HDAC8: variants seen among roughly 807,000 people sequenced by gnomAD.
HDAC8 encodes histone deacetylase 8.
A neutral mutation model predicts 32.2 loss-of-function variants in HDAC8; 1 was observed. The ratio of observed to expected loss-of-function variants is 0.03; its 90% CI spans 0.01 to 0.15. The LOEUF is 0.15. HDAC8 is among the 10% of genes least tolerant of loss of function. The pLI, the probability that HDAC8 is intolerant of heterozygous loss-of-function variation, is 1.00. For synonymous variants in HDAC8, 108 were observed against 113.9 expected, an observed-to-expected ratio of 0.95 and a Z score of 0.33; for missense variants, 117 against 300.0, an observed-to-expected ratio of 0.39 and a Z score of 4.51.
intron 9 of HDAC8, among the ~76,000 whole-genome samples, chrX:72,388,028 C>A (rs1197970264): frequency 9.1e-6 from 1 of 110,204 alleles, no homozygotes; most frequent in Non-Finnish European, 1.9e-5. Context: ...CTTCATCCAG[C>A]AGGCAAGTAG....
intron 9 of HDAC8, among the ~76,000 whole-genome samples, chrX:72,433,217 C>T (rs113803676): frequency 6.3e-5 from 7 of 111,306 alleles, no homozygotes; most frequent in African/African-American, 2.0e-4. Flanking sequence ...TCTTGGTTGT[C>T]AAAACTGGAG....
chrX:72,338,186 G>A (rs781825429), intron 10 of HDAC8, among the ~76,000 whole-genome samples: 2 of 111,625 alleles, frequency 1.8e-5, no homozygotes, highest in Non-Finnish European at 3.8e-5. Flanking sequence ...CTCTATGAGG[G>A]CAGGGACCTT....
chrX:72,339,322 G>C lies in HDAC8; in HGVS notation c.1112-9246C>G, dbSNP rs140051645. ...TGTGCTGGGTGCTGGGGTCACAGAG[G>C]GGATCAAGACAGTTCTTGCCGTGAA... On this transcript the variant is annotated intron_variant, in intron 10 of 10. Transcript: ENST00000373573. Among the ~76,000 whole-genome samples, 509 of 112,513 alleles carry C rather than the reference G, an allele frequency of 4.5e-3. 3 individuals are homozygous for C. Among genetic ancestry groups the C allele is most frequent in the African/African-American group, 0.015 (469 of 31,032 alleles).
intron 9 of HDAC8, among the ~76,000 whole-genome samples, chrX:72,441,620 C>A (rs182512410): frequency 8.9e-6 from 1 of 111,932 alleles, no homozygotes; most frequent in African/African-American, 3.2e-5. Context: ...CTCTAAAAAG[C>A]AGAGTGCCTC....
chrX:72,495,299 G>T (rs1556012408), intron 4 of HDAC8, 31 bp from the exon 5 acceptor site: 3 of 1,018,519 alleles, frequency 2.9e-6, no homozygotes, highest in African/African-American at 1.9e-5. Context: ...ACAGCCAACA[G>T]CCAAAAAGCA....
At chrX:72,464,348 A>C (rs2047952259) in intron 8 of HDAC8, 1 of 424,514 alleles carries the variant, frequency 2.4e-6, no homozygotes, top group Non-Finnish European at 4.1e-6. Context: ...TAGAGTGCCA[A>C]GAAGTCAATG....
At chrX:72,340,689 A>G (rs1237177414) in intron 10 of HDAC8, among the ~76,000 whole-genome samples, 1 of 111,986 alleles carries the variant, frequency 8.9e-6, no homozygotes, top group African/African-American at 3.2e-5. Flanking sequence ...TAAATTCTCC[A>G]GGACAAATTG....
intron 4 of HDAC8, among the ~76,000 whole-genome samples, chrX:72,499,199 C>T (rs987519732): frequency 9.0e-6 from 1 of 111,605 alleles, no homozygotes; most frequent in Non-Finnish European, 1.9e-5. Context: ...TATAAATTAC[C>T]CAGACTCAGG....
intron 9 of HDAC8, among the ~76,000 whole-genome samples, chrX:72,449,315 A>C (rs1555986498): frequency 9.0e-6 from 1 of 111,453 alleles, no homozygotes; most frequent in African/African-American, 3.3e-5. Flanking sequence ...CATTCTCAGA[A>C]AACTAACATA....
intron 9 of HDAC8, among the ~76,000 whole-genome samples, chrX:72,458,664 T>G (rs2148031890): frequency 8.9e-6 from 1 of 111,965 alleles, no homozygotes; most frequent in South Asian, 3.8e-4. Context: ...TACTTAACAC[T>G]CAGCTAAGCA....
At chrX:72,502,195 T>C (rs140581800) in intron 4 of HDAC8, among the ~76,000 whole-genome samples, 38 of 111,813 alleles carry the variant, frequency 3.4e-4, no homozygotes, top group Middle Eastern at 4.6e-3. Flanking sequence ...AGTTCAACCA[T>C]TGAGGAAAGC....
intron 9 of HDAC8, among the ~76,000 whole-genome samples, chrX:72,458,024 C>A (rs1405735162): frequency 1.8e-5 from 2 of 111,728 alleles, no homozygotes; most frequent in Non-Finnish European, 3.8e-5. Flanking sequence ...CCCAGCCCTA[C>A]TCTATCCTAG....
intron 4 of HDAC8, among the ~76,000 whole-genome samples, chrX:72,553,517 C>A (rs782248494): frequency 1.8e-5 from 2 of 111,592 alleles, no homozygotes; most frequent in South Asian, 7.5e-4. Flanking sequence ...TATTTTGGGT[C>A]GGTTTACTTC....
intron 9 of HDAC8, among the ~76,000 whole-genome samples, chrX:72,448,245 C>A (rs1933187137): frequency 9.0e-6 from 1 of 111,418 alleles, no homozygotes; most frequent in South Asian, 3.8e-4. Flanking sequence ...ATATACAGAC[C>A]AATGGAACAG....
At chrX:72,548,962 A>G (rs1296822166) in intron 4 of HDAC8, among the ~76,000 whole-genome samples, 4 of 111,714 alleles carry the variant, frequency 3.6e-5, no homozygotes, top group African/African-American at 1.3e-4. Context: ...TGACCCCCCC[A>G]TAACATTTTA....
chrX:72,342,030 C>G (rs2043899994), intron 10 of HDAC8, among the ~76,000 whole-genome samples: 1 of 111,940 alleles, frequency 8.9e-6, no homozygotes, highest in African/African-American at 3.3e-5. Flanking sequence ...TTTTATGGCC[C>G]GTCTCTAGGC....
At chrX:72,401,996 T>C (rs1294615728) in intron 9 of HDAC8, among the ~76,000 whole-genome samples, 1 of 112,142 alleles carries the variant, frequency 8.9e-6, no homozygotes, top group Non-Finnish European at 1.9e-5. Flanking sequence ...CTTTCTTTGG[T>C]GGCAGGTTTT....
intron 4 of HDAC8, among the ~76,000 whole-genome samples, chrX:72,554,019 A>G (rs1556083977): frequency 1.8e-5 from 2 of 112,359 alleles, no homozygotes; most frequent in Non-Finnish European, 3.8e-5. Context: ...AGTGTTTAAA[A>G]AAATCAATTA....
At chrX:72,352,469 A>T (rs1199573686) in intron 9 of HDAC8, among the ~76,000 whole-genome samples, 1 of 111,420 alleles carries the variant, frequency 9.0e-6, no homozygotes, top group African/African-American at 3.3e-5. Flanking sequence ...AGGTGTTCAC[A>T]GGCATATTCT....
Sources: gnomAD v4.1 joint callset for allele counts (sites outside exome capture counted in the v4.1 genomes callset) on GRCh38, gnomAD v4.1.1 for gene constraint, MANE v1.5 for transcripts, NCBI Gene and HGNC (gene_info 2026-07-23, HGNC 2026-07-21) for gene names.